Variants in OR7E24 observed in about 807,000 individuals in gnomAD.
OR7E24 encodes the protein olfactory receptor 7E24.
For synonymous variants in OR7E24, 130 were observed against 157.5 expected (o/e 0.83, Z 1.31); for missense variants, 385 against 410.3 (o/e 0.94, Z 0.53).
chr19:9,233,342 A>G, the OR7E24 span, among the ~76,000 whole-genome samples: 1 of 152,154 alleles, frequency 6.6e-6, no homozygotes, highest in African/African-American at 2.4e-5. Flanking sequence ...GACATGATTT[A>G]TGTAAGTTTT....
At chr19:9,219,490 T>C in the OR7E24 span, 1 of 152,206 alleles carries the variant, frequency 6.6e-6, no homozygotes, top group East Asian at 1.9e-4. Flanking sequence ...TTATTCTCTC[T>C]CCTCTTTTCC....
chr19:9,223,402 C>T, the OR7E24 span, among the ~76,000 whole-genome samples: 1 of 152,184 alleles, frequency 6.6e-6, no homozygotes, highest in Non-Finnish European at 1.5e-5. Flanking sequence ...AAATGAATGC[C>T]TATCTGCCTC....
chr19:9,250,053 G>A (rs961077565), upstream of OR7E24, among the ~76,000 whole-genome samples: 1 of 152,068 alleles, frequency 6.6e-6, no homozygotes, highest in Non-Finnish European at 1.5e-5. Flanking sequence ...TGCTATCAGT[G>A]ATGTCCTGGT....
At chr19:9,243,879 G>A (rs2066122571), upstream of OR7E24, among the ~76,000 whole-genome samples, 1 of 152,188 alleles carries the variant, frequency 6.6e-6, no homozygotes, top group South Asian at 2.1e-4. Context: ...GGCCTTAGAG[G>A]CCTGAGACTT....
At chr19:9,244,487 T>G (rs1286552589), upstream of OR7E24, among the ~76,000 whole-genome samples, 2 of 152,206 alleles carry the variant, frequency 1.3e-5, no homozygotes, top group Admixed American at 6.5e-5. Context: ...AGGAAAAACT[T>G]GATTTCAAAA....
At chr19:9,227,797 A>G in the OR7E24 span, among the ~76,000 whole-genome samples, 2 of 118,386 alleles carry the variant, frequency 1.7e-5, no homozygotes, top group African/African-American at 6.8e-5. Context: ...TCTGTCGCCC[A>G]GGCTGGAGTG....
upstream of OR7E24, among the ~76,000 whole-genome samples, chr19:9,243,895 G>T (rs1375687766): frequency 6.6e-6 from 1 of 152,172 alleles, no homozygotes; most frequent in Non-Finnish European, 1.5e-5. Context: ...GACTTCTGCT[G>T]GCATCCTTCT....
At chr19:9,250,851 A>G, upstream of OR7E24, 1 of 514,938 alleles carries the variant, frequency 1.9e-6, no homozygotes, top group Non-Finnish European at 3.4e-6. Flanking sequence ...AACATTCTTC[A>G]ATAGACTGTC....
At chr19:9,219,444 G>A in the OR7E24 span, 2 of 152,144 alleles carry the variant, frequency 1.3e-5, no homozygotes, top group Non-Finnish European at 2.9e-5. Context: ...CAATAAGTAT[G>A]GGACTTTCCA....
rs963072163 is a variant in OR7E24, at chr19:9,251,336, A to G, written c.293A>G (p.Lys98Arg). Residue 98 changes from lysine to arginine, a missense_variant, in exon 1 of 1, where the codon AAG becomes AGG. Lys to Arg is a conservative substitution (Grantham distance 26). Transcript: ENST00000456448. ...DIGFTSTTVP[K>R]MIVDMQTHSR... ...GGTTTCACCTCCACCACGGTCCCCAAGATGATTGTGGACATGCAAACTCAC... is the reference window on the plus strand; with the variant it reads ...GGTTTCACCTCCACCACGGTCCCCAGGATGATTGTGGACATGCAAACTCAC... 4.3e-6 allele frequency: 7 copies of G among 1,613,954 alleles called. No individual in the cohort carries two copies. Among genetic ancestry groups the G allele is most frequent in the Admixed American group, 3.3e-5 (2 of 60,002 alleles).
At chr19:9,213,260 T>G in the OR7E24 span, 2 of 151,820 alleles carry the variant, frequency 1.3e-5, no homozygotes, top group African/African-American at 2.4e-5. Context: ...ATATTGGGAG[T>G]GCCATACACA....
At chr19:9,224,729 C>A in the OR7E24 span, among the ~76,000 whole-genome samples, 1 of 151,190 alleles carries the variant, frequency 6.6e-6, no homozygotes. Context: ...CGTGCCACTG[C>A]ACTTCAGCCT....
the OR7E24 span, among the ~76,000 whole-genome samples, chr19:9,227,814 C>T: frequency 2.3e-5 from 3 of 130,236 alleles, no homozygotes; most frequent in Admixed American, 9.0e-5. Flanking sequence ...AGTGCAGTGG[C>T]GGGATCTCGG....
At chr19:9,214,542 G>T in the OR7E24 span, 1 of 1,614,162 alleles carries the variant, frequency 6.2e-7, no homozygotes, top group Non-Finnish European at 8.5e-7. Flanking sequence ...ATACACCTGA[G>T]TGAGGCACCC....
chr19:9,248,388 C>T (rs1439780415), upstream of OR7E24, among the ~76,000 whole-genome samples: 1 of 152,118 alleles, frequency 6.6e-6, no homozygotes, highest in Non-Finnish European at 1.5e-5. Flanking sequence ...TTATATAGCT[C>T]GTACCAGATC....
At chr19:9,235,663 A>G in the OR7E24 span, 15 of 1,594,422 alleles carry the variant, frequency 9.4e-6, no homozygotes, top group Non-Finnish European at 1.2e-5. Flanking sequence ...AGGCACTGAG[A>G]TTCCGCATTT....
chr19:9,217,148 T>C, the OR7E24 span, among the ~76,000 whole-genome samples: 41 of 152,144 alleles, frequency 2.7e-4, 2 homozygotes, highest in African/African-American at 9.4e-4. Context: ...ATACACAAGA[T>C]GAGAAAAGAA....
At chr19:9,222,057 C>A in the OR7E24 span, among the ~76,000 whole-genome samples, 42 of 152,312 alleles carry the variant, frequency 2.8e-4, no homozygotes, top group African/African-American at 8.7e-4. Context: ...TTTCCCAACA[C>A]CATTTATTAA....
At position 9,251,252 on chromosome 19, in the gene OR7E24, A is replaced by C; in HGVS notation, c.209A>C (p.Asp70Ala). ...CTCATCATCCTGGCTGTCAGCTCTGACTCCCACCTCCACACCCCCATGTAC... is the reference window on the plus strand; with the variant it reads ...CTCATCATCCTGGCTGTCAGCTCTGCCTCCCACCTCCACACCCCCATGTAC... ...NLLIILAVSSDSHLHTPMYFF... is the reference protein window; with the variant it reads ...NLLIILAVSSASHLHTPMYFF... Residue 70 changes from aspartate to alanine, a missense_variant, in exon 1 of 1, where the codon GAC becomes GCC. Physicochemically the swap from Asp to Ala is moderately radical, Grantham distance 126. Coordinates refer to ENST00000456448, the MANE Select transcript of OR7E24 (RefSeq NM_001079935.2). The C allele has an allele frequency of 6.2e-7, 1 of 1,612,644 alleles. No individual in the cohort carries two copies. Among genetic ancestry groups the C allele is most frequent in the Non-Finnish European group, 8.5e-7 (1 of 1,179,658 alleles).
Sources: allele counts gnomAD v4.1 joint callset (sites outside exome capture counted in the v4.1 genomes callset), GRCh38; gene constraint gnomAD v4.1.1; transcripts MANE v1.5; gene names NCBI Gene and HGNC (gene_info 2026-07-23, HGNC 2026-07-21).